The following PLD5 variants were observed in gnomAD, a reference collection of about 807,000 sequenced individuals.
PLD5 encodes phospholipase D family member 5, also known as inactive phospholipase D5.
Under a neutral mutation model 61.1 loss-of-function variants are expected in PLD5, and 36 were observed. The ratio of observed to expected loss-of-function variants is 0.59; its 90% CI spans 0.45 to 0.78. PLD5 has a LOEUF of 0.78. Ranked by LOEUF, PLD5 falls within the 30% of genes least tolerant of loss-of-function variation. The pLI is 0.00. For missense variants in PLD5, 515 were observed against 644.4 expected (o/e 0.80, Z 2.17); for synonymous variants, 243 against 242.8 (o/e 1.00, Z -0.01).
At chr1:242,319,391 C>G (rs1658237847) in intron 2 of PLD5, among the ~76,000 whole-genome samples, 1 of 150,484 alleles carries the variant, frequency 6.6e-6, no homozygotes, top group Non-Finnish European at 1.5e-5. Context: ...AAATACACAT[C>G]CATAAGTGTA....
intron 2 of PLD5, among the ~76,000 whole-genome samples, chr1:242,299,727 TTTGA>T (rs1270755229): frequency 6.6e-6 from 1 of 152,242 alleles, no homozygotes; most frequent in Non-Finnish European, 1.5e-5. Context: ...CCAGGTTATG[TTTGA>T]TTGTTTTTGT....
intron 5 of PLD5, among the ~76,000 whole-genome samples, chr1:242,168,033 A>G (rs1412696417): frequency 6.6e-6 from 1 of 152,246 alleles, no homozygotes; most frequent in Non-Finnish European, 1.5e-5. Flanking sequence ...TGGAACCAGA[A>G]TCTCCAGCAT....
At chr1:242,281,411 C>G (rs1250664268) in intron 3 of PLD5, among the ~76,000 whole-genome samples, 2 of 152,048 alleles carry the variant, frequency 1.3e-5, no homozygotes, top group Non-Finnish European at 2.9e-5. Flanking sequence ...TCATATGGGT[C>G]TTCAATATAG....
chr1:242,092,457 C>A (rs1197260768), intron 9 of PLD5, among the ~76,000 whole-genome samples: 1 of 152,146 alleles, frequency 6.6e-6, no homozygotes, highest in Non-Finnish European at 1.5e-5. Flanking sequence ...GAATTATTCT[C>A]ATTAAAAAAT....
chr1:242,350,837 C>G (rs1482863708), intron 1 of PLD5, among the ~76,000 whole-genome samples: 1 of 152,000 alleles, frequency 6.6e-6, no homozygotes, highest in Non-Finnish European at 1.5e-5. Flanking sequence ...AAGAAAGATA[C>G]AGCCATTATT....
intron 1 of PLD5, among the ~76,000 whole-genome samples, chr1:242,462,661 C>T (rs151319787): frequency 6.6e-6 from 1 of 151,958 alleles, no homozygotes; most frequent in Non-Finnish European, 1.5e-5. Flanking sequence ...GGAGCCATTG[C>T]CTGGACTGTA....
At position 242,243,854 on chromosome 1, in the gene PLD5, C is replaced by T. The variant is rs1186421889; in HGVS notation, c.607+21483G>A. 2.0e-5 allele frequency among the ~76,000 whole-genome samples: 3 copies of T among 152,198 alleles called. No homozygotes were observed. The East Asian group carries it at 5.8e-4, about 29-fold the overall frequency. Reference sequence around the variant, plus strand: ...AGAGCTTCTGCTTTTTAATTGGAAACACGGTAATATCAGGTCTTTTCACAT... The same window carrying T: ...AGAGCTTCTGCTTTTTAATTGGAAATACGGTAATATCAGGTCTTTTCACAT... On this transcript the variant is annotated intron_variant, in intron 4 of 9. Coordinates refer to ENST00000536534, the MANE Select transcript of PLD5 (RefSeq NM_001372062.1).
chr1:242,438,250 C>T (rs1268372407), intron 1 of PLD5, among the ~76,000 whole-genome samples: 1 of 150,494 alleles, frequency 6.6e-6, no homozygotes, highest in Non-Finnish European at 1.5e-5. Flanking sequence ...GTTGCTTGCA[C>T]ATTAGAAAAA....
intron 5 of PLD5, among the ~76,000 whole-genome samples, chr1:242,213,271 C>A (rs1334124775): frequency 1.3e-5 from 2 of 152,160 alleles, no homozygotes; most frequent in African/African-American, 4.8e-5. Flanking sequence ...TCAAGGAATG[C>A]TAAACAGTCC....
At chr1:242,219,665 G>A (rs565011530) in intron 5 of PLD5, among the ~76,000 whole-genome samples, 1 of 152,114 alleles carries the variant, frequency 6.6e-6, no homozygotes, top group African/African-American at 2.4e-5. Context: ...GTTTCCCCCT[G>A]TCTCATAGAT....
chr1:242,472,989 CAAGAGAA>C (rs1487260638), intron 1 of PLD5, among the ~76,000 whole-genome samples: 1 of 151,668 alleles, frequency 6.6e-6, no homozygotes, highest in South Asian at 2.1e-4. Context: ...CTTGAGATTT[CAAGAGAA>C]AAGAGAAAAA....
intron 5 of PLD5, among the ~76,000 whole-genome samples, chr1:242,147,841 A>C (rs1664642636): frequency 6.6e-6 from 1 of 152,184 alleles, no homozygotes; most frequent in Non-Finnish European, 1.5e-5. Context: ...TATTTGGCAC[A>C]GTTTTATTGG....
chr1:242,325,464 AGAGAGAGTAGGG>A (rs1658697866), intron 2 of PLD5, among the ~76,000 whole-genome samples: 1 of 128,242 alleles, frequency 7.8e-6, no homozygotes, highest in African/African-American at 3.0e-5. Context: ...AGAGAGGGAC[AGAGAGAGTAGGG>A]GGGAGAGAAG....
At chr1:242,436,671 C>T (rs1035803696) in intron 1 of PLD5, among the ~76,000 whole-genome samples, 11 of 152,122 alleles carry the variant, frequency 7.2e-5, no homozygotes, top group African/African-American at 2.7e-4. Context: ...TTAGAATACA[C>T]TCACCTTAAG....
At chr1:242,282,937 C>T (rs1031551068) in intron 3 of PLD5, among the ~76,000 whole-genome samples, 1 of 152,178 alleles carries the variant, frequency 6.6e-6, no homozygotes, top group Admixed American at 6.5e-5. Context: ...CAGCCCTTAG[C>T]AGGCTGTGAT....
chr1:242,498,011 C>T (rs1668428742), intron 1 of PLD5, among the ~76,000 whole-genome samples: 1 of 152,150 alleles, frequency 6.6e-6, no homozygotes, highest in African/African-American at 2.4e-5. Context: ...GTCACCCAGG[C>T]TGGAGTGCAA....
At chr1:242,465,291 C>T (rs952244666) in intron 1 of PLD5, among the ~76,000 whole-genome samples, 2 of 152,194 alleles carry the variant, frequency 1.3e-5, no homozygotes, top group Non-Finnish European at 2.9e-5. Context: ...CTCACCTGCA[C>T]ACTATTACCA....
In PLD5 at chr1:242,163,166, C is replaced by T. The variant is rs1219954924; in HGVS notation, c.736-38501G>A. Among the ~76,000 whole-genome samples the T allele has an allele frequency of 5.8e-4, 69 of 118,780 alleles. 1 individual carries two copies. Among genetic ancestry groups the T allele is most frequent in the African/African-American group, 1.9e-3 (61 of 31,420 alleles). 77.9% of individuals were successfully genotyped at this position (118,780 alleles called of 152,430 possible). A position where few individuals can be genotyped will look rare whatever the true frequency, so the allele number is the denominator to read the frequency against. ...TCTTTTCTTTCTTTTCTTGAGACGACGGAGTCTCACTCTGTCACCCAGGCT... is the reference window on the plus strand; with the variant it reads ...TCTTTTCTTTCTTTTCTTGAGACGATGGAGTCTCACTCTGTCACCCAGGCT... On this transcript the variant is annotated intron_variant, in intron 5 of 9. Coordinates refer to ENST00000536534, the MANE Select transcript of PLD5 (RefSeq NM_001372062.1).
At chr1:242,328,383 A>G (rs149083137) in intron 2 of PLD5, among the ~76,000 whole-genome samples, 45 of 152,184 alleles carry the variant, frequency 3.0e-4, no homozygotes, top group African/African-American at 1.0e-3. Flanking sequence ...ACATGTGTTC[A>G]CACGTGTTCT....
Sources: gnomAD v4.1 joint callset for allele counts (sites outside exome capture counted in the v4.1 genomes callset) on GRCh38, gnomAD v4.1.1 for gene constraint, MANE v1.5 for transcripts, NCBI Gene and HGNC (gene_info 2026-07-23, HGNC 2026-07-21) for gene names.